Variants in ACOT7 observed in about 807,000 individuals in gnomAD.
The protein encoded by ACOT7 is acyl-CoA thioesterase 7.
In ACOT7, 12 loss-of-function variants were observed where a neutral mutation model predicts 40.2. The ratio of observed to expected loss-of-function variants is 0.30; its 90% CI spans 0.19 to 0.48. The LOEUF (loss-of-function observed/expected upper bound fraction) is 0.48, where lower values mean the gene tolerates loss of function less well. Among genes scored for constraint, ACOT7 ranks in the 20% least tolerant of loss-of-function variants. ACOT7 has a pLI of 0.99. For synonymous variants in ACOT7, 228 were observed against 219.5 expected (o/e 1.04, Z -0.34); for missense variants, 395 against 530.8 (o/e 0.74, Z 2.51).
At position 6,352,854 on chromosome 1, in the gene ACOT7, C is replaced by T. The variant is rs1641633136; in HGVS notation, c.144-2988G>A. On this transcript the variant is annotated intron_variant, in intron 1 of 8. Transcript: ENST00000361521. This position sits in a 1 kb window ranked among gnomAD's most constrained non-coding sequence, Gnocchi z 4.5. The stretch of plus-strand genomic sequence containing the variant: ...CCATTTCTAATAAAGACACGGGTAC[C>T]GAAAGCACTTCATGTTCCTCTTTAC... 6.6e-6 allele frequency among the ~76,000 whole-genome samples: 1 copy of T among 151,658 alleles called. No individual in the cohort carries two copies. The highest frequency in any genetic ancestry group is 2.1e-4 in the South Asian group (1 of 4,804).
At position 6,372,554 on chromosome 1, in the gene ACOT7, C is replaced by CTTTTTTTT. The variant is rs563026803; in HGVS notation, c.143+20695_143+20702dup. Reference sequence around the variant, plus strand: ...AAGTTTAATCATGTCTAACTTTTGGCTTTTTTTTTTTTTTTTTTGAGAGTC... The same window carrying CTTTTTTTT: ...AAGTTTAATCATGTCTAACTTTTGGCTTTTTTTTTTTTTTTTTTTTTTTTTTGAGAGTC... On this transcript the variant is annotated intron_variant, in intron 1 of 8. Coordinates refer to ENST00000361521, the MANE Select transcript of ACOT7 (RefSeq NM_007274.4). Among the ~76,000 whole-genome samples, 878 of 128,508 alleles carry CTTTTTTTT rather than the reference C, an allele frequency of 6.8e-3. 32 individuals carry two copies. Among genetic ancestry groups the CTTTTTTTT allele is most frequent in the African/African-American group, 0.025 (823 of 33,388 alleles). The allele number at this position is 128,508 out of a possible 152,430, so 84.3% of individuals were successfully genotyped here.
chr1:6,316,162 T>C (rs3789491), intron 6 of ACOT7, among the ~76,000 whole-genome samples: 13,128 of 152,260 alleles, frequency 0.086, 979 homozygotes, highest in African/African-American at 0.19. Context: ...CCAGGCAGAA[T>C]GGAGCTGTAT....
At chr1:6,380,228 A>G (rs12752837) in intron 1 of ACOT7, among the ~76,000 whole-genome samples, 1 of 151,880 alleles carries the variant, frequency 6.6e-6, no homozygotes, top group Non-Finnish European at 1.5e-5. Context: ...AAAGACAGAT[A>G]TAAGAATCAA....
intron 1 of ACOT7, among the ~76,000 whole-genome samples, chr1:6,376,725 C>T (rs1642239859): frequency 8.0e-6 from 1 of 125,094 alleles, no homozygotes; most frequent in Non-Finnish European, 1.6e-5. Context: ...AAAACTCCAT[C>T]CCAAAAAAAA....
chr1:6,360,817 G>GGGCCTAGCACACC, intron 1 of ACOT7: 1 of 1,417,056 alleles, frequency 7.1e-7, no homozygotes. Context: ...CAGTCCAGGT[G>GGGCCTAGCACACC]TGCTAGGCCC....
intron 5 of ACOT7, among the ~76,000 whole-genome samples, chr1:6,323,736 AAATATATATATAT>A (rs1428157370): frequency 2.9e-4 from 19 of 65,576 alleles, no homozygotes; most frequent in African/African-American, 1.6e-3. Flanking sequence ...AAAAAAAAAA[AAATATATATATAT>A]ATATATATAT....
chr1:6,385,528 C>G, intron 1 of ACOT7: 1 of 1,612,052 alleles, frequency 6.2e-7, no homozygotes, highest in Non-Finnish European at 8.5e-7. Flanking sequence ...GGTGGGAGAT[C>G]AGCCCTGGGC....
At chr1:6,388,235 C>T (rs1193165593) in intron 1 of ACOT7, among the ~76,000 whole-genome samples, 1 of 151,990 alleles carries the variant, frequency 6.6e-6, no homozygotes, top group Non-Finnish European at 1.5e-5. Context: ...GCAGCCTCCC[C>T]AGCAGCTGGG....
intron 7 of ACOT7, among the ~76,000 whole-genome samples, chr1:6,281,488 C>G (rs548448942): frequency 6.6e-5 from 10 of 152,376 alleles, no homozygotes; most frequent in African/African-American, 2.4e-4. Context: ...GCAGGTTTAT[C>G]TACGCTAAAA....
chr1:6,341,720 C>T (rs987047971), intron 2 of ACOT7, among the ~76,000 whole-genome samples: 4 of 151,942 alleles, frequency 2.6e-5, no homozygotes, highest in Non-Finnish European at 4.4e-5. Flanking sequence ...CCAGCCTGGG[C>T]GACAGAGCGA....
chr1:6,347,777 AAAC>A (rs1007345761), intron 2 of ACOT7, among the ~76,000 whole-genome samples: 3 of 151,768 alleles, frequency 2.0e-5, no homozygotes, highest in Non-Finnish European at 4.4e-5. Context: ...AGAAAAAAAA[AAAC>A]AAGACAAGAA....
intron 1 of ACOT7, among the ~76,000 whole-genome samples, chr1:6,364,395 G>A (rs1641955218): frequency 6.6e-6 from 1 of 151,796 alleles, no homozygotes; most frequent in Non-Finnish European, 1.5e-5. Context: ...TACAAAATTA[G>A]CTGGGCGTGA....
At chr1:6,346,106 T>C (rs985285333) in intron 2 of ACOT7, among the ~76,000 whole-genome samples, 2 of 152,122 alleles carry the variant, frequency 1.3e-5, no homozygotes, top group Non-Finnish European at 2.9e-5. Flanking sequence ...GGACGCTGTG[T>C]TTTGTTTTTG....
chr1:6,297,477 G>A lies in ACOT7; in HGVS notation c.713-2497C>T, dbSNP rs77139814. Among the ~76,000 whole-genome samples, 950 of 152,332 alleles carry A rather than the reference G, an allele frequency of 6.2e-3. 13 individuals carry two copies. The highest frequency in any genetic ancestry group is 0.02 in the African/African-American group (852 of 41,576). ...AGCATCCAGCAGGTGAAGCTGGAAA[G>A]AGCAGAATTAGTGGGGGCCCCGAGC... On this transcript the variant is annotated intron_variant, in intron 6 of 8. Transcript: ENST00000361521.
At chr1:6,384,833 T>A (rs1400847617) in intron 1 of ACOT7, among the ~76,000 whole-genome samples, 1 of 151,740 alleles carries the variant, frequency 6.6e-6, no homozygotes, top group African/African-American at 2.4e-5. Flanking sequence ...CTACCACCCC[T>A]TTCAAAATTG....
chr1:6,349,680 G>T, intron 2 of ACOT7, 69 bp downstream of exon 2: 1 of 1,469,536 alleles, frequency 6.8e-7, no homozygotes, highest in East Asian at 2.4e-5. Context: ...GGCTCCCCGG[G>T]GAACTCCTGT....
At chr1:6,345,741 C>T (rs191159749) in intron 2 of ACOT7, among the ~76,000 whole-genome samples, 1 of 152,330 alleles carries the variant, frequency 6.6e-6, no homozygotes, top group Admixed American at 6.5e-5. Context: ...GGAAAGCCAC[C>T]TAACTGTTCT....
At chr1:6,276,608 G>C (rs1308650005) in intron 8 of ACOT7, among the ~76,000 whole-genome samples, 1 of 150,590 alleles carries the variant, frequency 6.6e-6, no homozygotes, top group Non-Finnish European at 1.5e-5. Flanking sequence ...AGGCGACTGG[G>C]AGTAGGAGGA....
At chr1:6,287,596 T>C (rs1338229695) in intron 7 of ACOT7, among the ~76,000 whole-genome samples, 1 of 152,230 alleles carries the variant, frequency 6.6e-6, no homozygotes, top group Non-Finnish European at 1.5e-5. Context: ...TTTGAAGTAG[T>C]TGTTGAGCCT....
Sources: gnomAD v4.1 joint callset for allele counts (sites outside exome capture counted in the v4.1 genomes callset) on GRCh38, gnomAD v4.1.1 for gene constraint, Gnocchi (gnomAD v3.1) non-coding constraint, MANE v1.5 for transcripts, NCBI Gene and HGNC (gene_info 2026-07-23, HGNC 2026-07-21) for gene names.